DLC1: variants seen among roughly 807,000 people sequenced by gnomAD.
The protein encoded by DLC1 is rho GTPase-activating protein 7.
In DLC1, 54 loss-of-function variants were observed where a neutral mutation model predicts 140.3. The ratio of observed to expected loss-of-function variants is 0.38; its 90% CI spans 0.31 to 0.48. DLC1 has a LOEUF of 0.48. DLC1 is among the 20% of genes least tolerant of loss of function. The pLI is 0.96. For missense variants in DLC1, 2,536 were observed against 1,907.0 expected (o/e 1.33, Z -6.14); for synonymous variants, 986 against 728.1 (o/e 1.35, Z -5.70).
intron 3 of DLC1, 38 bp from the exon 4 acceptor site, chr8:13,393,731 G>C (rs1378925910): frequency 3.1e-6 from 5 of 1,589,250 alleles, no homozygotes; most frequent in Non-Finnish European, 4.3e-6. Context: ...AAGGACATGT[G>C]AATGTTCCCA....
chr8:13,506,595 A>ACACG (rs1554534399), intron 1 of DLC1, among the ~76,000 whole-genome samples: 1 of 129,832 alleles, frequency 7.7e-6, no homozygotes, highest in Admixed American at 9.6e-5. Context: ...ATATATATAT[A>ACACG]TATATATATA....
intron 5 of DLC1, among the ~76,000 whole-genome samples, chr8:13,242,910 C>T (rs958861615): frequency 1.3e-5 from 2 of 151,844 alleles, no homozygotes; most frequent in Admixed American, 6.6e-5. Context: ...AATCTCATGT[C>T]GAATTGTAAT....
intron 2 of DLC1, among the ~76,000 whole-genome samples, chr8:13,496,158 T>A (rs1286191539): frequency 6.6e-6 from 1 of 152,190 alleles, no homozygotes; most frequent in Non-Finnish European, 1.5e-5. Context: ...GTGGCACATG[T>A]GTGCCTCCAA....
intron 5 of DLC1, among the ~76,000 whole-genome samples, chr8:13,207,437 C>A (rs941222658): frequency 6.6e-6 from 1 of 152,134 alleles, no homozygotes; most frequent in African/African-American, 2.4e-5. Flanking sequence ...TATTAAACTG[C>A]AGTTTGAATC....
At position 13,451,060 on chromosome 8, in the gene DLC1, A is replaced by AAAAAAAAAG. The variant is rs1563357495; in HGVS notation, c.1023+47980_1023+47988dup. On this transcript the variant is annotated intron_variant, in intron 2 of 17. Coordinates refer to ENST00000276297, the MANE Select transcript of DLC1 (RefSeq NM_182643.3). The stretch of plus-strand genomic sequence containing the variant: ...CTCAAAAAAAAAAAAAAAAAAAAAA[A>AAAAAAAAAG]AAAAAAAAGAAAAAAAGAAAAAGGA... Among the ~76,000 whole-genome samples, 21 of 148,216 alleles carry AAAAAAAAAG rather than the reference A, an allele frequency of 1.4e-4. No individual in the cohort carries two copies. In the East Asian group the frequency reaches 4.2e-3, roughly 29 times the overall value.
chr8:13,269,999 G>T (rs1156309327), intron 5 of DLC1, among the ~76,000 whole-genome samples: 1 of 150,650 alleles, frequency 6.6e-6, no homozygotes, highest in East Asian at 1.9e-4. Flanking sequence ...GGAGCTTGCA[G>T]TGAGCTAAGA....
chr8:13,192,042 A>G (rs1826787624), intron 5 of DLC1, among the ~76,000 whole-genome samples: 2 of 151,608 alleles, frequency 1.3e-5, no homozygotes, highest in South Asian at 4.2e-4. Flanking sequence ...CCCGGGTTCC[A>G]GAGGTTCTCC....
chr8:13,335,918 G>T (rs1833793607), intron 4 of DLC1, among the ~76,000 whole-genome samples: 1 of 151,752 alleles, frequency 6.6e-6, no homozygotes, highest in Non-Finnish European at 1.5e-5. Flanking sequence ...TTTTTGCAAG[G>T]AATAAGTTTT....
chr8:13,272,481 A>C (rs929340014), intron 5 of DLC1, among the ~76,000 whole-genome samples: 1 of 152,142 alleles, frequency 6.6e-6, no homozygotes. Flanking sequence ...ACTAGTATTT[A>C]ATTTCTTTCA....
intron 5 of DLC1, among the ~76,000 whole-genome samples, chr8:13,203,984 A>C (rs1827531263): frequency 6.6e-6 from 1 of 152,138 alleles, no homozygotes; most frequent in South Asian, 2.1e-4. Context: ...TAGCATTAGT[A>C]ACTTCTTGGG....
At chr8:13,428,642 G>T (rs1045112667) in intron 2 of DLC1, among the ~76,000 whole-genome samples, 5 of 152,044 alleles carry the variant, frequency 3.3e-5, no homozygotes, top group East Asian at 1.9e-4. Flanking sequence ...CAGAAGAAAA[G>T]ATATGCCTCG....
Position 13,120,356 on chromosome 8 carries a change from A to AAAAATATATATATAT in DLC1, c.1349-4700_1349-4699insATATATATATATTTT. On this transcript the variant is annotated intron_variant, in intron 5 of 17. Transcript: ENST00000276297. ...AGACTCCGTCGCAAAAAAAAAAAAA[A>AAAAATATATATATAT]ATATATATATATATAAAATGTATAT... is the stretch of plus-strand genomic sequence containing the variant. 5.9e-3 allele frequency among the ~76,000 whole-genome samples: 360 copies of AAAAATATATATATAT among 61,070 alleles called. 6 individuals carry two copies. The highest frequency in any genetic ancestry group is 0.014 in the South Asian group (19 of 1,338). The allele number at this position is 61,070 out of a possible 152,430, so 40.1% of individuals were successfully genotyped here.
intron 2 of DLC1, among the ~76,000 whole-genome samples, chr8:13,431,973 T>C (rs1365550431): frequency 6.6e-6 from 1 of 152,244 alleles, no homozygotes; most frequent in Non-Finnish European, 1.5e-5. Flanking sequence ...ATATGTGACA[T>C]TTTATCACAA....
rs146892447 is a variant in DLC1, at chr8:13,448,345, T to TTTCTTC, written c.1024-46732_1024-46727dup. Among the ~76,000 whole-genome samples, 713 of 146,844 alleles carry TTTCTTC rather than the reference T, an allele frequency of 4.9e-3. 9 individuals carry two copies. The highest frequency in any genetic ancestry group is 0.014 in the African/African-American group (556 of 39,378). ...ATCTTCTTTGCTGTATCTTTTAAAA[T>TTTCTTC]TTCTTCTTCTTCTTCTTCTTCTTCT... On this transcript the variant is annotated intron_variant, in intron 2 of 17. Coordinates refer to ENST00000276297, the MANE Select transcript of DLC1 (RefSeq NM_182643.3).
In DLC1 at chr8:13,345,530, G is replaced by C. The variant is rs556411411; in HGVS notation, c.1315-40228C>G. 2.5e-5 allele frequency among the ~76,000 whole-genome samples: 3 copies of C among 119,704 alleles called. No individual in the cohort carries two copies. The Admixed American group carries it at 2.8e-4, about 11-fold the overall frequency. 78.5% of individuals were successfully genotyped at this position (119,704 alleles called of 152,430 possible). On this transcript the variant is annotated intron_variant, in intron 4 of 17. Transcript: ENST00000276297. ...ATATGTGGTTAATCGACGATTATCT[G>C]AAATTTTTCACTCACACTTTTTTTT...
intron 2 of DLC1, among the ~76,000 whole-genome samples, chr8:13,415,204 T>A (rs899258479): frequency 6.6e-6 from 1 of 152,156 alleles, no homozygotes; most frequent in East Asian, 1.9e-4. Context: ...TATTTAGTGA[T>A]TTAAGTGATT....
intron 1 of DLC1, among the ~76,000 whole-genome samples, chr8:13,574,169 G>A (rs1804759281): frequency 6.6e-6 from 1 of 152,086 alleles, no homozygotes; most frequent in African/African-American, 2.4e-5. Flanking sequence ...CTTTCAGCAT[G>A]TATATATACA....
At chr8:13,239,186 G>T (rs1829433657) in intron 5 of DLC1, among the ~76,000 whole-genome samples, 1 of 152,170 alleles carries the variant, frequency 6.6e-6, no homozygotes, top group Non-Finnish European at 1.5e-5. Context: ...AGTGCTCACT[G>T]TGGAGAATCA....
chr8:13,234,345 C>G (rs1233320565), intron 5 of DLC1, among the ~76,000 whole-genome samples: 9 of 152,078 alleles, frequency 5.9e-5, no homozygotes, highest in Admixed American at 4.6e-4. Context: ...GATACTGGTT[C>G]CTCATCTACT....
Sources: gnomAD v4.1 joint callset for allele counts (sites outside exome capture counted in the v4.1 genomes callset) on GRCh38, gnomAD v4.1.1 for gene constraint, MANE v1.5 for transcripts, NCBI Gene and HGNC (gene_info 2026-07-23, HGNC 2026-07-21) for gene names.